Variants in ARHGEF17 observed in about 807,000 individuals in gnomAD.
The protein encoded by ARHGEF17 is Rho guanine nucleotide exchange factor 17.
In ARHGEF17, 80 loss-of-function variants were observed where a neutral mutation model predicts 174.0. That is an observed-to-expected ratio of 0.46 (90% CI 0.38 to 0.55). The LOEUF (loss-of-function observed/expected upper bound fraction) is 0.55, where lower values mean the gene tolerates loss of function less well. Ranked by LOEUF, ARHGEF17 falls within the 20% of genes least tolerant of loss-of-function variation. The pLI is 0.00. For synonymous variants in ARHGEF17, 1,311 were observed against 1,189.1 expected (o/e 1.10, Z -2.11); for missense variants, 2,886 against 2,839.7 (o/e 1.02, Z -0.37).
intron 1 of ARHGEF17, among the ~76,000 whole-genome samples, chr11:73,324,421 C>A (rs1783108549): frequency 6.6e-6 from 1 of 152,148 alleles, no homozygotes; most frequent in African/African-American, 2.4e-5. Context: ...TCTCAGCTCC[C>A]CTTACCACCC....
chr11:73,352,164 A>C (rs1865565083), intron 2 of ARHGEF17, among the ~76,000 whole-genome samples: 1 of 152,018 alleles, frequency 6.6e-6, no homozygotes, highest in South Asian at 2.1e-4. Flanking sequence ...CTCTATGAAA[A>C]ATATAAAAAA....
At chr11:73,350,085 C>G (rs11820929) in intron 2 of ARHGEF17, among the ~76,000 whole-genome samples, 48,700 of 152,088 alleles carry the variant, frequency 0.32, 10,664 homozygotes, top group African/African-American at 0.63. Flanking sequence ...TAATTAGAGA[C>G]ACATGTTTAT....
Position 73,308,791 on chromosome 11 carries a change from G to A in ARHGEF17, c.153G>A (p.Arg51=). The A allele has an allele frequency of 1.4e-6, 2 of 1,380,154 alleles. No individual in the cohort carries two copies. Among genetic ancestry groups the A allele is most frequent in the South Asian group, 1.6e-5 (1 of 61,014 alleles). 85.5% of individuals were successfully genotyped at this position (1,380,154 alleles called of 1,614,324 possible). Residue 51 remains arginine (R), a synonymous_variant, in exon 1 of 21, where the codon CGG becomes CGA. Coordinates refer to ENST00000263674, the MANE Select transcript of ARHGEF17 (RefSeq NM_014786.4). ...RASCRPTTAA[R]GQPSRRVSKL... is the part of the protein sequence containing the mutation. ...CGTGCCGGCCGACCACGGCTGCCCGGGGCCAGCCCTCTCGGCGCGTGTCCA... is the reference window on the plus strand; with the variant it reads ...CGTGCCGGCCGACCACGGCTGCCCGAGGCCAGCCCTCTCGGCGCGTGTCCA...
At chr11:73,352,427 T>C (rs1186794562) in intron 2 of ARHGEF17, among the ~76,000 whole-genome samples, 1 of 152,158 alleles carries the variant, frequency 6.6e-6, no homozygotes, top group Non-Finnish European at 1.5e-5. Context: ...AGGACAGGGA[T>C]TGTGGTCTTT....
chr11:73,311,945 C>T, intron 1 of ARHGEF17, 115 bp downstream of exon 1: 1 of 1,229,274 alleles, frequency 8.1e-7, no homozygotes, highest in South Asian at 1.6e-5. Context: ...GCCAAGGGTG[C>T]TTTTCTGGTC....
At chr11:73,336,374 CA>C (rs923066361) in intron 1 of ARHGEF17, among the ~76,000 whole-genome samples, 1 of 152,230 alleles carries the variant, frequency 6.6e-6, no homozygotes, top group Non-Finnish European at 1.5e-5. Flanking sequence ...ACCAAGGATA[CA>C]GTGAGCACAC....
chr11:73,365,516 C>A lies in ARHGEF17; in HGVS notation c.5677C>A (p.Gln1893Lys), dbSNP rs1269568511. The stretch of plus-strand genomic sequence containing the variant: ...TCTCTACCATCCAGACACCTTTGAG[C>A]AGCTGGCAGAAGTAGACGTCACTCC... ...VCLYHPDTFE[Q>K]LAEVDVTPPV... Residue 1893 changes from glutamine to lysine, a missense_variant, in exon 19 of 21, where the codon CAG becomes AAG. Gln to Lys is a moderately conservative substitution (Grantham distance 53). Coordinates refer to ENST00000263674, the MANE Select transcript of ARHGEF17 (RefSeq NM_014786.4). This position sits in a 1 kb window ranked among gnomAD's most constrained non-coding sequence, Gnocchi z 4.9. The A allele has an allele frequency of 5.0e-6, 8 of 1,614,004 alleles. No homozygotes were observed. Among genetic ancestry groups the A allele is most frequent in the Non-Finnish European group, 5.9e-6 (7 of 1,180,034 alleles).
At chr11:73,327,891 T>A (rs1394065703) in intron 1 of ARHGEF17, among the ~76,000 whole-genome samples, 1 of 152,188 alleles carries the variant, frequency 6.6e-6, no homozygotes, top group Non-Finnish European at 1.5e-5. Context: ...TTGTGGATAG[T>A]CCTGGGTAAT....
chr11:73,333,438 A>G (rs1410877297), intron 1 of ARHGEF17, among the ~76,000 whole-genome samples: 1 of 152,284 alleles, frequency 6.6e-6, no homozygotes, highest in Non-Finnish European at 1.5e-5. Flanking sequence ...TGGTGGATAA[A>G]TTCAGTAAGG....
Position 73,362,619 on chromosome 11 carries a change from C to A in ARHGEF17, c.4881C>A (p.Asp1627Glu). The stretch of plus-strand genomic sequence containing the variant: ...TGACGCCGGGCCTCGGCGAGGGTGA[C>A]CCCCGCCCAGAGCTGGTGCCCTTTG... The part of the protein sequence containing the change: ...LEMTPGLGEG[D>E]PRPELVPFDS... Residue 1627 changes from aspartate to glutamate, a missense_variant, in exon 14 of 21, where the codon GAC becomes GAA. Physicochemically the swap from Asp to Glu is conservative, Grantham distance 45. This residue lies in a region of ARHGEF17 where 476 missense variants were observed against 473.1 expected (regional missense o/e 1.01). Transcript: ENST00000263674. The A allele has an allele frequency of 1.4e-5, 23 of 1,611,278 alleles. No individual in the cohort carries two copies. The highest frequency in any genetic ancestry group is 1.9e-5 in the Non-Finnish European group (22 of 1,179,996).
chr11:73,347,214 G>T, intron 2 of ARHGEF17: 1 of 564,730 alleles, frequency 1.8e-6, no homozygotes, highest in South Asian at 2.0e-5. Context: ...GTTCTTCCAC[G>T]TCCCCCTGGC....
At position 73,310,788 on chromosome 11, in the gene ARHGEF17, C is replaced by G. The variant is rs554558080; in HGVS notation, c.2150C>G (p.Ser717Cys). The G allele has an allele frequency of 2.1e-5, 34 of 1,612,200 alleles. No individual in the cohort carries two copies. Among genetic ancestry groups the G allele is most frequent in the Middle Eastern group, 1.6e-4 (1 of 6,084 alleles). The change falls in exon 1 of 21, where the codon TCT becomes TGT. Residue 717 changes from serine to cysteine, a missense_variant. Coordinates refer to ENST00000263674, the MANE Select transcript of ARHGEF17 (RefSeq NM_014786.4). Reference protein sequence around the residue: ...RRRRKVPPSGSGGSELSNGEA... With the variant: ...RRRRKVPPSGCGGSELSNGEA... ...CGACGCAAAGTCCCACCTTCAGGTT[C>G]TGGTGGGAGCGAATTGAGCAATGGG...
At position 73,310,546 on chromosome 11, in the gene ARHGEF17, C is replaced by T; in HGVS notation, c.1908C>T (p.Leu636=). The T allele has an allele frequency of 6.2e-7, 1 of 1,614,066 alleles. No homozygotes were observed. The highest frequency in any genetic ancestry group is 8.5e-7 in the Non-Finnish European group (1 of 1,180,040). Residue 636 remains leucine (L), a synonymous_variant, in exon 1 of 21, where the codon CTC becomes CTT. Coordinates refer to ENST00000263674, the MANE Select transcript of ARHGEF17 (RefSeq NM_014786.4). ...VTRGQRSQEE[L]SGPESSLTDE... The stretch of plus-strand genomic sequence containing the variant: ...GAGGGCAGCGGTCCCAGGAGGAGCT[C>T]TCAGGCCCTGAGTCCAGTCTGACAG...
chr11:73,360,132 A>G (rs1865712294), intron 10 of ARHGEF17, among the ~76,000 whole-genome samples, 180 bp downstream of exon 10: 1 of 152,128 alleles, frequency 6.6e-6, no homozygotes, highest in African/African-American at 2.4e-5. Context: ...CTGAGGGTGG[A>G]GACATAGCTG....
chr11:73,364,820 C>G (rs539414539), intron 18 of ARHGEF17: 1 of 558,204 alleles, frequency 1.8e-6, no homozygotes, highest in South Asian at 3.2e-5. Flanking sequence ...CATTAGGAAT[C>G]TTATTCATCC....
Position 73,308,989 on chromosome 11 carries a change from C to T in ARHGEF17, c.351C>T (p.Gly117=). 4 of 1,381,098 alleles carry T rather than the reference C, an allele frequency of 2.9e-6. No individual in the cohort carries two copies. The highest frequency in any genetic ancestry group is 2.8e-6 in the Non-Finnish European group (3 of 1,072,536). 85.6% of individuals were successfully genotyped at this position (1,381,098 alleles called of 1,614,324 possible). Residue 117 remains glycine, a synonymous_variant, in exon 1 of 21, where the codon GGC becomes GGT. Transcript: ENST00000263674. ...CGGCCGCGGAAGAAGCGGCCGAGGG[C>T]CCAGCGCGAGGAGCCTGGCCCAGCG... ...LPAAAEEAAE[G]PARGAWPSVT...
chr11:73,354,565 T>G (rs1329996027), intron 3 of ARHGEF17, among the ~76,000 whole-genome samples: 1 of 152,010 alleles, frequency 6.6e-6, no homozygotes, highest in African/African-American at 2.4e-5. Flanking sequence ...AATACAAAAA[T>G]TAGGTGGGCG....
At chr11:73,323,289 T>C (rs947789737) in intron 1 of ARHGEF17, among the ~76,000 whole-genome samples, 1 of 152,194 alleles carries the variant, frequency 6.6e-6, no homozygotes. Context: ...CCCTCTGCCT[T>C]GGTTTCCCCA....
At chr11:73,353,101 C>T (rs1865583301) in intron 3 of ARHGEF17, 89 bp downstream of exon 3, 5 of 1,497,466 alleles carry the variant, frequency 3.3e-6, no homozygotes, top group South Asian at 1.2e-5. Context: ...CCCACCCATC[C>T]CACCTGGATA....
Sources: allele counts gnomAD v4.1 joint callset (sites outside exome capture counted in the v4.1 genomes callset), GRCh38; gene constraint gnomAD v4.1.1; regional missense constraint gnomAD v4.1.1; non-coding constraint Gnocchi (gnomAD v3.1); transcripts MANE v1.5; gene names NCBI Gene and HGNC (gene_info 2026-07-23, HGNC 2026-07-21).